Variants in DSTN observed in about 807,000 individuals in gnomAD.
The protein encoded by DSTN is destrin, actin depolymerizing factor.
Under a neutral mutation model 16.8 loss-of-function variants are expected in DSTN, and 10 were observed. The observed-to-expected ratio is 0.60, with a 90% CI of 0.37 to 1.01. The LOEUF is 1.01. Ranked by LOEUF, DSTN falls within the 50% of genes least tolerant of loss-of-function variation. DSTN has a pLI of 0.01. For synonymous variants in DSTN, 57 were observed against 58.9 expected, an observed-to-expected ratio of 0.97 and a Z score of 0.14; for missense variants, 141 against 196.7, an observed-to-expected ratio of 0.72 and a Z score of 1.69.
chr20:17,582,077 A>AT (rs35744527), intron 1 of DSTN, among the ~76,000 whole-genome samples: 10,408 of 126,666 alleles, frequency 0.082, 668 homozygotes, highest in African/African-American at 0.16. Flanking sequence ...TGAAATATAC[A>AT]TTTTTTTTTT....
At chr20:17,575,497 C>T (rs117800565) in intron 1 of DSTN, among the ~76,000 whole-genome samples, 6,443 of 147,980 alleles carry the variant, frequency 0.044, 180 homozygotes, top group Non-Finnish European at 0.058. Flanking sequence ...GGGTCTCATT[C>T]TGTTAACCTA....
intron 1 of DSTN, chr20:17,599,290 CGA>C (rs2035561000): frequency 6.6e-6 from 1 of 152,290 alleles, no homozygotes; most frequent in Admixed American, 6.5e-5. Context: ...GGCAACATAA[CGA>C]GACCCCATCT....
At position 17,600,939 on chromosome 20, in the gene DSTN, A is replaced by T; in HGVS notation, c.205A>T (p.Lys69Ter). 1 of 1,614,108 alleles carries T rather than the reference A, an allele frequency of 6.2e-7. No individual in the cohort carries two copies. The highest frequency in any genetic ancestry group is 8.5e-7 in the Non-Finnish European group (1 of 1,179,980). Residue 69 changes from lysine to a stop codon, truncating the protein, a stop_gained, in exon 2 of 4, where the codon AAG (lysine) becomes TAG (stop). Transcript: ENST00000246069. LOFTEE classifies it high-confidence loss of function. ...TGGTGTAACCATAACTGATCCTTTC[A>T]AGCATTTTGTGGGAATGCTTCCTGA... ...DVGVTITDPF[K>*]HFVGMLPEKD...
chr20:17,604,562 G>A lies in DSTN; in HGVS notation c.319G>A (p.Glu107Lys). 1 of 1,611,210 alleles carries A rather than the reference G, an allele frequency of 6.2e-7. No individual in the cohort carries two copies. The highest frequency in any genetic ancestry group is 8.5e-7 in the Non-Finnish European group (1 of 1,179,354). The change falls in exon 3 of 4, where the codon GAA becomes AAA. Residue 107 changes from glutamate to lysine, a missense_variant. Coordinates refer to ENST00000246069, the MANE Select transcript of DSTN (RefSeq NM_006870.4). ...EELMFFLWAP[E>K]LAPLKSKMIY... ...TGGCATCTTTCTATCTAGGGCACCAGAACTAGCACCTCTGAAAAGTAAAAT... is the reference window on the plus strand; with the variant it reads ...TGGCATCTTTCTATCTAGGGCACCAAAACTAGCACCTCTGAAAAGTAAAAT...
At chr20:17,577,324 T>C (rs914937828) in intron 1 of DSTN, among the ~76,000 whole-genome samples, 1 of 152,210 alleles carries the variant, frequency 6.6e-6, no homozygotes, top group Non-Finnish European at 1.5e-5. Flanking sequence ...AGTCAGTTGT[T>C]GAAGCTCAGG....
intron 2 of DSTN, among the ~76,000 whole-genome samples, chr20:17,602,009 G>C (rs948833610): frequency 6.6e-6 from 1 of 151,924 alleles, no homozygotes; most frequent in African/African-American, 2.4e-5. Context: ...GGCAGGGAGG[G>C]ACTTAGCTTT....
chr20:17,571,344 C>T (rs890377207), intron 1 of DSTN, among the ~76,000 whole-genome samples: 1 of 152,206 alleles, frequency 6.6e-6, no homozygotes, highest in Admixed American at 6.5e-5. Context: ...CACTGTATAA[C>T]AGTTTTGGTT....
At chr20:17,583,731 G>GTTTTTTTTT (rs74172899) in intron 1 of DSTN, among the ~76,000 whole-genome samples, 21 of 27,988 alleles carry the variant, frequency 7.5e-4, no homozygotes, top group Non-Finnish European at 1.3e-3. Flanking sequence ...TGGGTTTGGA[G>GTTTTTTTTT]TTTCTTTTTT....
At chr20:17,587,086 G>C (rs1004890956) in intron 1 of DSTN, among the ~76,000 whole-genome samples, 21 of 151,748 alleles carry the variant, frequency 1.4e-4, no homozygotes, top group African/African-American at 4.8e-4. Context: ...AAATAGCCCT[G>C]TGTGTAGTAT....
chr20:17,575,820 G>A (rs948204454), intron 1 of DSTN, among the ~76,000 whole-genome samples: 15 of 152,150 alleles, frequency 9.9e-5, no homozygotes, highest in Admixed American at 3.3e-4. Flanking sequence ...GAGCCACTGC[G>A]CCCAGCCGTG....
chr20:17,574,337 A>C (rs979739025), intron 1 of DSTN, among the ~76,000 whole-genome samples: 1 of 152,198 alleles, frequency 6.6e-6, no homozygotes, highest in Admixed American at 6.5e-5. Context: ...TGTTAATTCT[A>C]TCCACCTGCC....
intron 1 of DSTN, among the ~76,000 whole-genome samples, chr20:17,578,817 C>T (rs137870739): frequency 6.6e-5 from 10 of 152,092 alleles, no homozygotes; most frequent in South Asian, 6.2e-4. Context: ...CAAAATTAGC[C>T]GGGTGTGGTG....
In DSTN at chr20:17,608,231, A is replaced by G. The variant is rs2035662791; in HGVS notation, c.*1085A>G. On this transcript the variant is annotated 3_prime_UTR_variant, in exon 4 of 4. Coordinates refer to ENST00000246069, the MANE Select transcript of DSTN (RefSeq NM_006870.4). ...ATTGGCTTTATGTAATAAAGGAAGCATTTTTGACTTACCTCTCGTGTAATT... is the reference window on the plus strand; with the variant it reads ...ATTGGCTTTATGTAATAAAGGAAGCGTTTTTGACTTACCTCTCGTGTAATT... 6.6e-6 allele frequency: 1 copy of G among 152,204 alleles called. No homozygotes were observed. The highest frequency in any genetic ancestry group is 2.1e-4 in the South Asian group (1 of 4,834). The allele number at this position is 152,204 out of a possible 1,614,324, so 9.4% of individuals were successfully genotyped here.
intron 1 of DSTN, among the ~76,000 whole-genome samples, chr20:17,587,841 T>G (rs1038299445): frequency 1.3e-5 from 2 of 152,234 alleles, no homozygotes; most frequent in Non-Finnish European, 2.9e-5. Context: ...AGAGTTAATT[T>G]TATGTGTTAC....
rs930816109 is a variant in DSTN, at chr20:17,570,150, C to G, written c.-59C>G. ...GTCCCGCAGCCGTGAGGAGGACGGTCTGCATACTCGCTGCCCGCCGGCTCC... is the reference window on the plus strand; with the variant it reads ...GTCCCGCAGCCGTGAGGAGGACGGTGTGCATACTCGCTGCCCGCCGGCTCC... On this transcript the variant is annotated 5_prime_UTR_variant, in exon 1 of 4. Transcript: ENST00000246069. 4.6e-6 allele frequency: 7 copies of G among 1,516,312 alleles called. No homozygotes were observed. The highest frequency in any genetic ancestry group is 6.2e-6 in the Non-Finnish European group (7 of 1,136,496). The allele number at this position is 1,516,312 out of a possible 1,614,324, so 93.9% of individuals were successfully genotyped here. A position where few individuals can be genotyped will look rare whatever the true frequency, so the allele number is the denominator to read the frequency against.
At chr20:17,599,545 A>C (rs2035563807) in intron 1 of DSTN, 1 of 152,248 alleles carries the variant, frequency 6.6e-6, no homozygotes, top group Admixed American at 6.5e-5. Flanking sequence ...TAAGAGGATG[A>C]GTTGCCAATG....
rs1354147534 is a variant in DSTN, at chr20:17,574,865, C to CTTTTCTTTTTTTTT, written c.3+4658_3+4659insCTTTTTTTTTTTTT. Among the ~76,000 whole-genome samples the CTTTTCTTTTTTTTT allele has an allele frequency of 1.7e-3, 109 of 64,258 alleles. 1 individual carries two copies. The highest frequency in any genetic ancestry group is 6.3e-3 in the African/African-American group (106 of 16,722). The allele number at this position is 64,258 out of a possible 152,430, so 42.2% of individuals were successfully genotyped here. ...CTTTCTTTTCTTTTTCTTTTCTTTT[C>CTTTTCTTTTTTTTT]TTTTGTTTTTTTTTTTTTTTTTTTT... On this transcript the variant is annotated intron_variant, in intron 1 of 3. Transcript: ENST00000246069.
In DSTN at chr20:17,570,135, C is replaced by T. The variant is rs1196811300; in HGVS notation, c.-74C>T. 5 of 1,511,392 alleles carry T rather than the reference C, an allele frequency of 3.3e-6. No individual in the cohort carries two copies. Among genetic ancestry groups the T allele is most frequent in the East Asian group, 2.7e-5 (1 of 36,410 alleles). The allele number at this position is 1,511,392 out of a possible 1,614,324, so 93.6% of individuals were successfully genotyped here. ...GCGCTGGGTCTCTCGGTCCCGCAGC[C>T]GTGAGGAGGACGGTCTGCATACTCG... On this transcript the variant is annotated 5_prime_UTR_variant, in exon 1 of 4. Coordinates refer to ENST00000246069, the MANE Select transcript of DSTN (RefSeq NM_006870.4).
chr20:17,570,354 G>A, intron 1 of DSTN, 143 bp downstream of exon 1: 1 of 1,184,488 alleles, frequency 8.4e-7, no homozygotes, highest in South Asian at 1.9e-5. Context: ...CGGGCTGCGG[G>A]TGAGGGGGGG....
Sources: gnomAD v4.1 joint callset for allele counts (sites outside exome capture counted in the v4.1 genomes callset) on GRCh38, gnomAD v4.1.1 for gene constraint, MANE v1.5 for transcripts, NCBI Gene and HGNC (gene_info 2026-07-23, HGNC 2026-07-21) for gene names.